Variants in LCLAT1 observed in about 807,000 individuals in gnomAD.
LCLAT1 encodes 1-AGP acyltransferase 8.
Under a neutral mutation model 30.7 loss-of-function variants are expected in LCLAT1, and 11 were observed. The observed-to-expected ratio is 0.36, with a 90% CI of 0.23 to 0.59. The LOEUF is 0.59. Ranked by LOEUF, LCLAT1 falls within the 20% of genes least tolerant of loss-of-function variation. The pLI, the probability that LCLAT1 is intolerant of heterozygous loss-of-function variation, is 0.77. For synonymous variants in LCLAT1, 155 were observed against 151.3 expected, an observed-to-expected ratio of 1.02 and a Z score of -0.18; for missense variants, 402 against 458.6, an observed-to-expected ratio of 0.88 and a Z score of 1.13.
In LCLAT1 at chr2:30,504,599, C is replaced by T. The variant is rs1229143847; in HGVS notation, c.-4-20988C>T. On this transcript the variant is annotated intron_variant, in intron 1 of 5. Coordinates refer to ENST00000379509, the MANE Select transcript of LCLAT1 (RefSeq NM_001002257.3). ...GGGGTATGGGTTGTTTCTACCTTAACATTAATCTTTTTGCTTTGATTATGG... is the reference window on the plus strand; with the variant it reads ...GGGGTATGGGTTGTTTCTACCTTAATATTAATCTTTTTGCTTTGATTATGG... 2.0e-5 allele frequency among the ~76,000 whole-genome samples: 3 copies of T among 152,228 alleles called. No individual in the cohort carries two copies. In the East Asian group the frequency reaches 5.8e-4, roughly 29 times the overall value.
At chr2:30,457,929 A>G (rs1681914650) in intron 1 of LCLAT1, among the ~76,000 whole-genome samples, 2 of 152,184 alleles carry the variant, frequency 1.3e-5, no homozygotes, top group Non-Finnish European at 1.5e-5. Flanking sequence ...AGATGTTGTA[A>G]GTTACACACT....
chr2:30,637,866 C>A (rs952729559), intron 5 of LCLAT1, among the ~76,000 whole-genome samples: 1 of 152,194 alleles, frequency 6.6e-6, no homozygotes, highest in African/African-American at 2.4e-5. Flanking sequence ...GTGTGAGCCA[C>A]CGCACCCAGC....
At chr2:30,519,654 T>C (rs1478073720) in intron 1 of LCLAT1, among the ~76,000 whole-genome samples, 1 of 152,108 alleles carries the variant, frequency 6.6e-6, no homozygotes. Flanking sequence ...AAATGCCCAT[T>C]AGGCTAAAAG....
chr2:30,549,124 T>C (rs1276062704), intron 3 of LCLAT1, among the ~76,000 whole-genome samples: 1 of 152,250 alleles, frequency 6.6e-6, no homozygotes, highest in Non-Finnish European at 1.5e-5. Flanking sequence ...TTTGAATGTG[T>C]TATCTGACTT....
At chr2:30,616,704 T>A (rs1279432436) in intron 5 of LCLAT1, among the ~76,000 whole-genome samples, 1 of 152,152 alleles carries the variant, frequency 6.6e-6, no homozygotes, top group Non-Finnish European at 1.5e-5. Context: ...AGTGATCCCT[T>A]AATTAGGGAA....
intron 5 of LCLAT1, among the ~76,000 whole-genome samples, chr2:30,574,991 G>C (rs1023802200): frequency 6.6e-6 from 1 of 152,130 alleles, no homozygotes; most frequent in Non-Finnish European, 1.5e-5. Context: ...TGAAAGCTCA[G>C]GTCCTAGTCT....
intron 3 of LCLAT1, among the ~76,000 whole-genome samples, chr2:30,536,814 A>G (rs1464884163): frequency 6.6e-6 from 1 of 152,240 alleles, no homozygotes; most frequent in Non-Finnish European, 1.5e-5. Context: ...AAGATATACA[A>G]AATAACTGGA....
chr2:30,467,095 C>T (rs970813656), intron 1 of LCLAT1, among the ~76,000 whole-genome samples: 1 of 152,290 alleles, frequency 6.6e-6, no homozygotes, highest in African/African-American at 2.4e-5. Flanking sequence ...CCCTCTCCCC[C>T]GACCCCACGA....
intron 3 of LCLAT1, among the ~76,000 whole-genome samples, chr2:30,540,552 C>T (rs1199910271): frequency 6.6e-6 from 1 of 152,118 alleles, no homozygotes; most frequent in East Asian, 1.9e-4. Flanking sequence ...AGTATATATG[C>T]TGTTTCATTA....
At chr2:30,495,838 T>G (rs544732278) in intron 1 of LCLAT1, among the ~76,000 whole-genome samples, 114 of 152,334 alleles carry the variant, frequency 7.5e-4, no homozygotes, top group East Asian at 2.9e-3. Flanking sequence ...ACATTTTTTG[T>G]TTTTTGATGA....
chr2:30,574,577 A>G (rs113737694), intron 5 of LCLAT1, among the ~76,000 whole-genome samples: 6 of 152,334 alleles, frequency 3.9e-5, no homozygotes, highest in African/African-American at 1.4e-4. Context: ...TACATGAGAA[A>G]GAGCAGTCTC....
chr2:30,603,827 T>C (rs1667302300), intron 5 of LCLAT1, among the ~76,000 whole-genome samples: 1 of 152,146 alleles, frequency 6.6e-6, no homozygotes, highest in Non-Finnish European at 1.5e-5. Context: ...ATAGATCATC[T>C]GACATATTTG....
At chr2:30,632,543 A>G (rs1254992971) in intron 5 of LCLAT1, among the ~76,000 whole-genome samples, 1 of 152,226 alleles carries the variant, frequency 6.6e-6, no homozygotes, top group Admixed American at 6.5e-5. Flanking sequence ...CATCTCTCTC[A>G]AAGGACAAGG....
chr2:30,459,911 T>G (rs1348531837), intron 1 of LCLAT1, among the ~76,000 whole-genome samples: 1 of 152,230 alleles, frequency 6.6e-6, no homozygotes, highest in Non-Finnish European at 1.5e-5. Flanking sequence ...TAAATGTCCT[T>G]TTTTAGAAAA....
At chr2:30,456,352 G>A (rs1433106782) in intron 1 of LCLAT1, among the ~76,000 whole-genome samples, 1 of 152,200 alleles carries the variant, frequency 6.6e-6, no homozygotes, top group African/African-American at 2.4e-5. Flanking sequence ...CTGCCAGGTG[G>A]GAGGAGGAAT....
At chr2:30,519,509 C>T (rs1029232420) in intron 1 of LCLAT1, among the ~76,000 whole-genome samples, 2 of 152,172 alleles carry the variant, frequency 1.3e-5, no homozygotes, top group African/African-American at 4.8e-5. Context: ...GACTGAGAGA[C>T]AGGACTAGCT....
intron 1 of LCLAT1, among the ~76,000 whole-genome samples, chr2:30,518,163 G>A (rs1021153176): frequency 7.9e-5 from 12 of 152,272 alleles, no homozygotes; most frequent in Middle Eastern, 3.4e-3. Context: ...TTAAAGTATC[G>A]GGCTGTTCTT....
intron 1 of LCLAT1, among the ~76,000 whole-genome samples, chr2:30,488,846 T>G (rs1683690814): frequency 6.6e-6 from 1 of 152,212 alleles, no homozygotes; most frequent in Admixed American, 6.5e-5. Flanking sequence ...ATTACTATAT[T>G]TCCATAAGGA....
chr2:30,457,421 G>A lies in LCLAT1; in HGVS notation c.-5+10038G>A, dbSNP rs564440654. 3.3e-5 allele frequency among the ~76,000 whole-genome samples: 5 copies of A among 152,342 alleles called. No homozygotes were observed. In the East Asian group the frequency reaches 5.8e-4, roughly 18 times the overall value. ...CAATTTTCTTGGTTACTACTCTGTAGTCTGTAGCTTTCATTGTTTTTGATG... is the reference window on the plus strand; with the variant it reads ...CAATTTTCTTGGTTACTACTCTGTAATCTGTAGCTTTCATTGTTTTTGATG... On this transcript the variant is annotated intron_variant, in intron 1 of 5. Coordinates refer to ENST00000379509, the MANE Select transcript of LCLAT1 (RefSeq NM_001002257.3).
Sources: gnomAD v4.1 joint callset for allele counts (sites outside exome capture counted in the v4.1 genomes callset) on GRCh38, gnomAD v4.1.1 for gene constraint, MANE v1.5 for transcripts, NCBI Gene and HGNC (gene_info 2026-07-23, HGNC 2026-07-21) for gene names.